The following DLGAP1 variants were observed in gnomAD, a reference collection of about 807,000 sequenced individuals.
The protein encoded by DLGAP1 is DLG associated protein 1, also known as disks large-associated protein 1.
A neutral mutation model predicts 90.8 loss-of-function variants in DLGAP1; 11 were observed. That is an observed-to-expected ratio of 0.12 (90% CI 0.08 to 0.20). The LOEUF is 0.20. DLGAP1 is among the 10% of genes least tolerant of loss of function. DLGAP1 has a pLI of 1.00. For synonymous variants in DLGAP1, 558 were observed against 540.7 expected, an observed-to-expected ratio of 1.03 and a Z score of -0.44; for missense variants, 1,050 against 1,333.8, an observed-to-expected ratio of 0.79 and a Z score of 3.31.
intron 1 of DLGAP1, among the ~76,000 whole-genome samples, chr18:4,326,881 G>GA (rs1003835185): frequency 3.3e-5 from 5 of 151,930 alleles, no homozygotes; most frequent in African/African-American, 1.2e-4. Context: ...GAGAGAATCA[G>GA]AAAAAACACC....
intron 1 of DLGAP1, among the ~76,000 whole-genome samples, chr18:4,412,998 G>A (rs1229196863): frequency 6.6e-6 from 1 of 152,178 alleles, no homozygotes; most frequent in Non-Finnish European, 1.5e-5. Context: ...TATTCACAAG[G>A]AGGCAGGGAA....
At chr18:4,208,021 C>A (rs1203020274) in intron 1 of DLGAP1, among the ~76,000 whole-genome samples, 1 of 152,144 alleles carries the variant, frequency 6.6e-6, no homozygotes, top group Non-Finnish European at 1.5e-5. Context: ...GTTACCTCAC[C>A]CTAAGAATCC....
At chr18:4,438,269 A>ACTTCAT (rs1190682102) in intron 1 of DLGAP1, among the ~76,000 whole-genome samples, 2 of 152,094 alleles carry the variant, frequency 1.3e-5, no homozygotes, top group African/African-American at 4.8e-5. Context: ...GAAGTACTAG[A>ACTTCAT]CTGATGTTAT....
At chr18:4,011,617 G>A (rs1194628294) in intron 2 of DLGAP1, among the ~76,000 whole-genome samples, 1 of 152,036 alleles carries the variant, frequency 6.6e-6, no homozygotes, top group African/African-American at 2.4e-5. Flanking sequence ...AGTAGTTCAA[G>A]ACCAGCCTGG....
At chr18:4,211,034 G>A (rs1286441473) in intron 1 of DLGAP1, among the ~76,000 whole-genome samples, 2 of 152,198 alleles carry the variant, frequency 1.3e-5, no homozygotes, top group Non-Finnish European at 2.9e-5. Context: ...AGAGAACAAT[G>A]TAGCTTTATC....
intron 1 of DLGAP1, among the ~76,000 whole-genome samples, chr18:4,434,231 G>A (rs977824218): frequency 1.3e-5 from 2 of 151,490 alleles, no homozygotes; most frequent in South Asian, 2.1e-4. Context: ...CACCTCCCCC[G>A]AAAAAATGCT....
chr18:4,259,157 G>A (rs1056782175), intron 1 of DLGAP1, among the ~76,000 whole-genome samples: 9 of 152,184 alleles, frequency 5.9e-5, no homozygotes, highest in African/African-American at 2.2e-4. Context: ...CAGATAGTAC[G>A]TAGTTAACAG....
intron 1 of DLGAP1, among the ~76,000 whole-genome samples, chr18:4,451,172 A>G (rs1047407090): frequency 4.6e-5 from 7 of 152,212 alleles, no homozygotes; most frequent in African/African-American, 1.7e-4. Flanking sequence ...ACTAGAGAGA[A>G]GGATGGGAAA....
intron 9 of DLGAP1, among the ~76,000 whole-genome samples, chr18:3,567,070 A>ATTCATCATTCATTCATTCAT (rs1555682270): frequency 7.7e-4 from 117 of 151,032 alleles, no homozygotes; most frequent in African/African-American, 2.8e-3. Flanking sequence ...TCATTCATTC[A>ATTCATCATTCATTCATTCAT]TCATTCATTC....
At chr18:3,820,148 G>C (rs1035709540) in intron 4 of DLGAP1, among the ~76,000 whole-genome samples, 1 of 152,226 alleles carries the variant, frequency 6.6e-6, no homozygotes, top group African/African-American at 2.4e-5. Flanking sequence ...ATTATCTCAG[G>C]ATGGGAAGTT....
At chr18:4,227,227 A>G (rs771825420) in intron 1 of DLGAP1, among the ~76,000 whole-genome samples, 1 of 152,108 alleles carries the variant, frequency 6.6e-6, no homozygotes, top group Admixed American at 6.6e-5. Context: ...AGACTTAAAG[A>G]GAGAGGTAGA....
chr18:3,766,843 A>C (rs573929608), intron 5 of DLGAP1, among the ~76,000 whole-genome samples: 12 of 152,286 alleles, frequency 7.9e-5, no homozygotes, highest in African/African-American at 2.2e-4. Flanking sequence ...GGAAACGTAT[A>C]GCACTAAATG....
At chr18:4,361,860 A>T (rs79075628) in intron 1 of DLGAP1, among the ~76,000 whole-genome samples, 5,235 of 152,270 alleles carry the variant, frequency 0.034, 149 homozygotes, top group African/African-American at 0.076. Context: ...ATCCAAAATG[A>T]ATAGAGAACT....
intron 3 of DLGAP1, among the ~76,000 whole-genome samples, chr18:3,968,238 C>T (rs1174333182): frequency 6.6e-6 from 1 of 152,164 alleles, no homozygotes; most frequent in African/African-American, 2.4e-5. Context: ...AGTATCTTTC[C>T]TTTAATATTT....
At chr18:3,889,527 T>C (rs555545852) in intron 3 of DLGAP1, among the ~76,000 whole-genome samples, 4 of 152,312 alleles carry the variant, frequency 2.6e-5, no homozygotes, top group Non-Finnish European at 5.9e-5. Flanking sequence ...CTTTCCTTAG[T>C]GCTGAGACCC....
At chr18:4,257,574 G>C (rs566407489) in intron 1 of DLGAP1, among the ~76,000 whole-genome samples, 9 of 151,676 alleles carry the variant, frequency 5.9e-5, no homozygotes, top group Non-Finnish European at 1.3e-4. Flanking sequence ...TATAAACTCT[G>C]GTTGAAGACC....
rs1287984755 is a variant in DLGAP1 at position 3,588,774 on chromosome 18, C to T, written c.1592-6526G>A. Among the ~76,000 whole-genome samples, 11 of 91,992 alleles carry T rather than the reference C, an allele frequency of 1.2e-4. No homozygotes were observed. The East Asian group carries it at 3.1e-3, about 26-fold the overall frequency. The allele number at this position is 91,992 out of a possible 152,430, so 60.4% of individuals were successfully genotyped here. A position where few individuals can be genotyped will look rare whatever the true frequency, so the allele number is the denominator to read the frequency against. The stretch of plus-strand genomic sequence containing the variant: ...CAGCCTGAGCGACAGAGCGAGACTC[C>T]ATCTCAAAAAAAAAAAAAAGAAAAA... On this transcript the variant is annotated intron_variant, in intron 7 of 12. Transcript: ENST00000315677.
intron 1 of DLGAP1, among the ~76,000 whole-genome samples, chr18:4,176,526 G>A (rs1006642278): frequency 6.6e-6 from 1 of 152,112 alleles, no homozygotes; most frequent in African/African-American, 2.4e-5. Context: ...CATCTAGGAG[G>A]AGCCTTCTTC....
At chr18:4,291,837 C>T (rs1367574281) in intron 1 of DLGAP1, among the ~76,000 whole-genome samples, 2 of 151,976 alleles carry the variant, frequency 1.3e-5, no homozygotes, top group Admixed American at 6.6e-5. Flanking sequence ...TACGAAGCAT[C>T]GATCTTGAAG....
Sources: allele counts gnomAD v4.1 joint callset (sites outside exome capture counted in the v4.1 genomes callset), GRCh38; gene constraint gnomAD v4.1.1; transcripts MANE v1.5; gene names NCBI Gene and HGNC (gene_info 2026-07-23, HGNC 2026-07-21).